The following CDK5RAP2 variants were observed in gnomAD, a reference collection of about 807,000 sequenced individuals.
The protein encoded by CDK5RAP2 is CDK5 regulatory subunit associated protein 2, also known as CDK5 regulatory subunit-associated protein 2.
CDK5RAP2 carries 147 observed loss-of-function variants against 232.9 expected under a neutral mutation model. The ratio of observed to expected loss-of-function variants is 0.63; its 90% CI spans 0.55 to 0.72. CDK5RAP2 has a LOEUF of 0.72. CDK5RAP2 is among the 30% of genes least tolerant of loss of function. The pLI is 0.00. For missense variants in CDK5RAP2, 2,195 were observed against 2,231.5 expected (o/e 0.98, Z 0.33); for synonymous variants, 833 against 833.7 (o/e 1.00, Z 0.01).
chr9:120,440,186 C>T (rs934265065), intron 23 of CDK5RAP2: 1 of 590,332 alleles, frequency 1.7e-6, no homozygotes, highest in Admixed American at 3.0e-5. Context: ...CCTCTTTACC[C>T]CTCAGTTGTC....
intron 12 of CDK5RAP2, among the ~76,000 whole-genome samples, chr9:120,498,437 G>C (rs927647613): frequency 1.3e-5 from 2 of 152,166 alleles, no homozygotes; most frequent in African/African-American, 4.8e-5. Context: ...CAAAAGCTGA[G>C]CAACTGTTCC....
intron 7 of CDK5RAP2, among the ~76,000 whole-genome samples, chr9:120,532,004 A>T (rs62577986): frequency 1.3e-5 from 2 of 151,272 alleles, no homozygotes; most frequent in African/African-American, 4.9e-5. Flanking sequence ...AATAAAACTG[A>T]ATTTTTTTTT....
intron 21 of CDK5RAP2, among the ~76,000 whole-genome samples, chr9:120,451,589 T>A (rs1038949799): frequency 6.6e-6 from 1 of 151,990 alleles, no homozygotes; most frequent in Non-Finnish European, 1.5e-5. Context: ...CCACAAAAAA[T>A]ATCATTAAAT....
chr9:120,455,670 G>C (rs1327643788), intron 20 of CDK5RAP2, among the ~76,000 whole-genome samples: 1 of 151,968 alleles, frequency 6.6e-6, no homozygotes, highest in Non-Finnish European at 1.5e-5. Context: ...TTGAACCCAG[G>C]AGGCTGCAGT....
In CDK5RAP2 at chr9:120,422,713, GGTGTTCATTTCCACTCCA is replaced by G; in HGVS notation, c.3966_3983del (p.Gly1323_Thr1328del). 1.2e-6 allele frequency: 2 copies of G among 1,612,952 alleles called. No individual in the cohort carries two copies. The highest frequency in any genetic ancestry group is 1.7e-6 in the Non-Finnish European group (2 of 1,179,030). On this transcript the variant is annotated inframe_deletion, in exon 26 of 38. Transcript: ENST00000349780. ...CTCACCTCTCCATCAGTTCATTCTG[GGTGTTCATTTCCACTCCA>G]ACTGATTTTCCTGGAAGCAGAAATA...
intron 10 of CDK5RAP2, among the ~76,000 whole-genome samples, chr9:120,527,018 C>T (rs141552479): frequency 0.011 from 1,631 of 151,862 alleles, 14 homozygotes; most frequent in Non-Finnish European, 0.019. Flanking sequence ...CTTCCCTCTG[C>T]CTCCCCAGCT....
intron 1 of CDK5RAP2, among the ~76,000 whole-genome samples, chr9:120,573,027 A>G (rs1022000889): frequency 1.3e-5 from 2 of 152,062 alleles, no homozygotes; most frequent in African/African-American, 4.8e-5. Context: ...TTTATGTCCA[A>G]CTCCCACGAA....
chr9:120,488,215 T>C (rs1248172545), intron 13 of CDK5RAP2, among the ~76,000 whole-genome samples: 2 of 152,226 alleles, frequency 1.3e-5, no homozygotes, highest in Non-Finnish European at 2.9e-5. Context: ...CCTAGCAGAA[T>C]TAATTTATCC....
At chr9:120,436,947 T>G (rs909985040) in intron 25 of CDK5RAP2, among the ~76,000 whole-genome samples, 3 of 152,030 alleles carry the variant, frequency 2.0e-5, no homozygotes, top group Non-Finnish European at 4.4e-5. Context: ...AATAAATAAA[T>G]AAAAAATCCC....
intron 15 of CDK5RAP2, among the ~76,000 whole-genome samples, chr9:120,476,847 C>T (rs1219485498): frequency 6.6e-6 from 1 of 152,104 alleles, no homozygotes; most frequent in African/African-American, 2.4e-5. Flanking sequence ...TTGGCTCTCC[C>T]CACCACACCT....
intron 3 of CDK5RAP2, among the ~76,000 whole-genome samples, chr9:120,564,002 T>A (rs918099876): frequency 2.0e-5 from 3 of 152,210 alleles, no homozygotes; most frequent in Admixed American, 6.5e-5. Flanking sequence ...GTGGACAGGA[T>A]ACAGGCAATT....
chr9:120,470,226 C>CAA lies in CDK5RAP2; in HGVS notation c.1859-8_1859-7dup. On this transcript the variant is annotated splice_polypyrimidine_tract_variant and splice_region_variant and intron_variant, in intron 16 of 37. Transcript: ENST00000349780. ...ATAAAGTGAAAATGATTCTTCTGCCCAAAAAAGAAAAAAAAAAGGTGGGGA... is the reference window on the plus strand; with the variant it reads ...ATAAAGTGAAAATGATTCTTCTGCCCAAAAAAAAGAAAAAAAAAAGGTGGGGA... 1.5e-6 allele frequency: 2 copies of CAA among 1,328,820 alleles called. No homozygotes were observed. Among genetic ancestry groups the CAA allele is most frequent in the Admixed American group, 2.3e-5 (1 of 44,334 alleles). The allele number at this position is 1,328,820 out of a possible 1,614,324, so 82.3% of individuals were successfully genotyped here.
chr9:120,440,271 T>A (rs1323592077), intron 23 of CDK5RAP2: 1 of 423,742 alleles, frequency 2.4e-6, no homozygotes, highest in African/African-American at 2.0e-5. Flanking sequence ...CTAAAATTCA[T>A]CGACATTCCC....
chr9:120,511,416 C>T (rs142881431), intron 12 of CDK5RAP2, among the ~76,000 whole-genome samples: 5 of 152,292 alleles, frequency 3.3e-5, no homozygotes, highest in African/African-American at 1.2e-4. Flanking sequence ...TAGATATAGT[C>T]CCAGGGACTG....
At chr9:120,408,818 A>C (rs1200522648) in intron 30 of CDK5RAP2, among the ~76,000 whole-genome samples, 1 of 152,200 alleles carries the variant, frequency 6.6e-6, no homozygotes, top group East Asian at 1.9e-4. Flanking sequence ...TTCTGCCTGA[A>C]ATGATCTTTC....
chr9:120,540,908 C>T (rs76378103), intron 5 of CDK5RAP2, among the ~76,000 whole-genome samples: 2 of 152,344 alleles, frequency 1.3e-5, no homozygotes. Flanking sequence ...CTGGGGTCTC[C>T]GCTGGCCAAA....
chr9:120,524,061 T>C (rs185469373), intron 11 of CDK5RAP2, among the ~76,000 whole-genome samples: 17 of 152,286 alleles, frequency 1.1e-4, no homozygotes, highest in Middle Eastern at 3.4e-3. Flanking sequence ...AGTCAAATCT[T>C]AGCTCTATTA....
intron 11 of CDK5RAP2, among the ~76,000 whole-genome samples, chr9:120,522,633 T>G (rs2040722384): frequency 6.6e-6 from 1 of 152,052 alleles, no homozygotes; most frequent in East Asian, 1.9e-4. Flanking sequence ...AATTTGAAAG[T>G]TTTTTTTAAA....
intron 5 of CDK5RAP2, among the ~76,000 whole-genome samples, chr9:120,541,217 T>C (rs1474829425): frequency 6.6e-6 from 1 of 152,146 alleles, no homozygotes; most frequent in African/African-American, 2.4e-5. Flanking sequence ...CCCTTTCCCT[T>C]ACCCCTCCAC....
Sources: allele counts gnomAD v4.1 joint callset (sites outside exome capture counted in the v4.1 genomes callset), GRCh38; gene constraint gnomAD v4.1.1; transcripts MANE v1.5; gene names NCBI Gene and HGNC (gene_info 2026-07-23, HGNC 2026-07-21).